The following RABGAP1L variants were observed in gnomAD, a reference collection of about 807,000 sequenced individuals.
RABGAP1L encodes the protein rab GTPase-activating protein 1-like.
RABGAP1L carries 63 observed loss-of-function variants against 137.7 expected under a neutral mutation model. The observed-to-expected ratio is 0.46, with a 90% CI of 0.37 to 0.56. RABGAP1L has a LOEUF of 0.56. Ranked by LOEUF, RABGAP1L falls within the 20% of genes least tolerant of loss-of-function variation. The pLI is 0.00. For missense variants in RABGAP1L, 1,095 were observed against 1,244.0 expected, an observed-to-expected ratio of 0.88 and a Z score of 1.80; for synonymous variants, 431 against 433.7, an observed-to-expected ratio of 0.99 and a Z score of 0.08.
chr1:174,192,658 A>T (rs1667296385), intron 1 of RABGAP1L, among the ~76,000 whole-genome samples: 1 of 152,236 alleles, frequency 6.6e-6, no homozygotes. Flanking sequence ...CAATAAGCCA[A>T]ACATGGATCA....
chr1:174,889,496 C>T (rs1655758813), intron 19 of RABGAP1L, among the ~76,000 whole-genome samples: 1 of 152,164 alleles, frequency 6.6e-6, no homozygotes, highest in African/African-American at 2.4e-5. Context: ...TAATGGCTCA[C>T]TGCAGCCTCG....
At chr1:174,159,877 C>G (rs532635937) in intron 1 of RABGAP1L, 234 of 152,402 alleles carry the variant, frequency 1.5e-3, no homozygotes, top group Admixed American at 2.3e-3. Context: ...CCCAGGTGGC[C>G]GCTCCTCGCG....
chr1:174,406,199 C>T (rs1485879429), intron 13 of RABGAP1L, among the ~76,000 whole-genome samples: 1 of 151,950 alleles, frequency 6.6e-6, no homozygotes, highest in Non-Finnish European at 1.5e-5. Flanking sequence ...TATATAAAAA[C>T]TGTAATTATA....
chr1:174,821,382 G>T (rs951537815), intron 19 of RABGAP1L, among the ~76,000 whole-genome samples: 1 of 152,094 alleles, frequency 6.6e-6, no homozygotes, highest in Admixed American at 6.5e-5. Context: ...TCACCTACTT[G>T]CCTCAGAAAA....
chr1:174,833,463 T>TAG, intron 19 of RABGAP1L, among the ~76,000 whole-genome samples: 1 of 46,636 alleles, frequency 2.1e-5, no homozygotes, highest in South Asian at 2.1e-3. Context: ...TATATATATA[T>TAG]ATATAGTAGA....
At chr1:174,262,428 C>T (rs564243886) in intron 7 of RABGAP1L, among the ~76,000 whole-genome samples, 1 of 152,168 alleles carries the variant, frequency 6.6e-6, no homozygotes, top group Non-Finnish European at 1.5e-5. Context: ...TTGATTGATT[C>T]TAGATGTTTT....
At chr1:174,170,752 C>G (rs1665304876) in intron 1 of RABGAP1L, among the ~76,000 whole-genome samples, 1 of 151,150 alleles carries the variant, frequency 6.6e-6, no homozygotes, top group South Asian at 2.1e-4. Flanking sequence ...CACAGTGACT[C>G]TCTACTACTA....
At chr1:174,981,580 T>C (rs1048035780) in intron 23 of RABGAP1L, among the ~76,000 whole-genome samples, 25 of 112,948 alleles carry the variant, frequency 2.2e-4, no homozygotes, top group Admixed American at 1.8e-3. Flanking sequence ...TTTTTTTTTT[T>C]TGTGAGGCAA....
At chr1:174,398,786 G>A (rs1648193268) in intron 13 of RABGAP1L, among the ~76,000 whole-genome samples, 1 of 152,054 alleles carries the variant, frequency 6.6e-6, no homozygotes, top group Non-Finnish European at 1.5e-5. Context: ...GAGAAAATAG[G>A]TATTGAGTAG....
At position 174,328,011 on chromosome 1, in the gene RABGAP1L, A is replaced by ATATATATATATATATG. The variant is rs1558136503; in HGVS notation, c.1465+22898_1465+22899insTGTATATATATATATA. On this transcript the variant is annotated intron_variant, in intron 11 of 25. Transcript: ENST00000681986. Reference sequence around the variant, plus strand: ...CATATATATATATATATATATATATATATATATATATATACCCAACATCAG... The same window carrying ATATATATATATATATG: ...CATATATATATATATATATATATATATATATATATATATATGTATATATATATATACCCAACATCAG... Among the ~76,000 whole-genome samples the ATATATATATATATATG allele has an allele frequency of 1.3e-3, 178 of 134,846 alleles. 2 individuals carry two copies. The highest frequency in any genetic ancestry group is 5.1e-3 in the African/African-American group (170 of 33,296). The allele number at this position is 134,846 out of a possible 152,430, so 88.5% of individuals were successfully genotyped here. A position where few individuals can be genotyped will look rare whatever the true frequency, so the allele number is the denominator to read the frequency against.
At chr1:174,879,069 G>A (rs540102747) in intron 19 of RABGAP1L, among the ~76,000 whole-genome samples, 5 of 150,244 alleles carry the variant, frequency 3.3e-5, no homozygotes, top group Non-Finnish European at 7.4e-5. Context: ...TGAGTAGCTG[G>A]GACTACAGGC....
intron 12 of RABGAP1L, among the ~76,000 whole-genome samples, chr1:174,389,018 A>G (rs1436791821): frequency 2.0e-5 from 3 of 151,578 alleles, no homozygotes; most frequent in Admixed American, 2.0e-4. Flanking sequence ...TTTTTATTGA[A>G]TAAGAGAAAA....
chr1:174,410,740 A>G (rs1649830482), intron 13 of RABGAP1L, among the ~76,000 whole-genome samples: 1 of 152,114 alleles, frequency 6.6e-6, no homozygotes, highest in African/African-American at 2.4e-5. Context: ...TTGGTTCCAT[A>G]TGAATTTTAG....
In RABGAP1L at chr1:174,795,334, T is replaced by A. The variant is rs1281383816; in HGVS notation, c.2212-16498T>A. On this transcript the variant is annotated intron_variant, in intron 18 of 25. Coordinates refer to ENST00000681986, the MANE Select transcript of RABGAP1L (RefSeq NM_001366446.1). The stretch of plus-strand genomic sequence containing the variant: ...TCCTCTTGTGAAGGTGCCTCGCCAC[T>A]CACTTTCCATACCAGCAAAGGGATA... 2.0e-5 allele frequency among the ~76,000 whole-genome samples: 3 copies of A among 152,148 alleles called. No individual in the cohort carries two copies. The East Asian group carries it at 5.8e-4, about 29-fold the overall frequency.
At chr1:174,487,541 G>A (rs979170032) in intron 13 of RABGAP1L, among the ~76,000 whole-genome samples, 1 of 151,972 alleles carries the variant, frequency 6.6e-6, no homozygotes, top group Non-Finnish European at 1.5e-5. Flanking sequence ...TTTTCTTGTA[G>A]GCAACAGATC....
intron 10 of RABGAP1L, among the ~76,000 whole-genome samples, chr1:174,303,942 C>T (rs1354018642): frequency 6.6e-6 from 1 of 152,106 alleles, no homozygotes; most frequent in Admixed American, 6.6e-5. Flanking sequence ...ACAGGGCTTC[C>T]ATGGGATGTT....
At chr1:174,595,931 A>C (rs1669857852) in intron 13 of RABGAP1L, among the ~76,000 whole-genome samples, 1 of 105,138 alleles carries the variant, frequency 9.5e-6, no homozygotes, top group African/African-American at 5.8e-5. Flanking sequence ...AGCCTTGGCA[A>C]TGGCGGGCGC....
At chr1:174,682,382 G>A (rs982648879) in intron 14 of RABGAP1L, among the ~76,000 whole-genome samples, 1 of 148,250 alleles carries the variant, frequency 6.7e-6, no homozygotes, top group South Asian at 2.1e-4. Context: ...TCTAATTCAG[G>A]GTTCAGTGAC....
intron 19 of RABGAP1L, among the ~76,000 whole-genome samples, chr1:174,917,801 C>T (rs561624936): frequency 1.4e-4 from 21 of 152,012 alleles, no homozygotes; most frequent in East Asian, 3.9e-4. Flanking sequence ...GGCATGCTGG[C>T]GATTACCCGT....
Sources: allele counts gnomAD v4.1 joint callset (sites outside exome capture counted in the v4.1 genomes callset), GRCh38; gene constraint gnomAD v4.1.1; transcripts MANE v1.5; gene names NCBI Gene and HGNC (gene_info 2026-07-23, HGNC 2026-07-21).